The following SYN3 variants were observed in gnomAD, a reference collection of about 807,000 sequenced individuals.
The protein encoded by SYN3 is synapsin-3.
In SYN3, 35 loss-of-function variants were observed where a neutral mutation model predicts 65.8. The ratio of observed to expected loss-of-function variants is 0.53; its 90% CI spans 0.41 to 0.70. The LOEUF is 0.70. Ranked by LOEUF, SYN3 falls within the 30% of genes least tolerant of loss-of-function variation. The pLI, the probability that SYN3 is intolerant of heterozygous loss-of-function variation, is 0.00. For synonymous variants in SYN3, 270 were observed against 292.9 expected, an observed-to-expected ratio of 0.92 and a Z score of 0.80; for missense variants, 680 against 749.0, an observed-to-expected ratio of 0.91 and a Z score of 1.08.
chr22:32,548,927 C>G (rs1303446651), intron 7 of SYN3, among the ~76,000 whole-genome samples: 1 of 152,124 alleles, frequency 6.6e-6, no homozygotes, highest in African/African-American at 2.4e-5. Flanking sequence ...TTTATAGCTC[C>G]ACCTTAAGCC....
At chr22:33,007,895 C>T (rs528191575) in intron 1 of SYN3, among the ~76,000 whole-genome samples, 5 of 152,222 alleles carry the variant, frequency 3.3e-5, no homozygotes, top group African/African-American at 1.2e-4. Context: ...ACTATTTAAA[C>T]CATGGAATTA....
At chr22:32,700,578 C>T (rs545336072) in intron 6 of SYN3, among the ~76,000 whole-genome samples, 14 of 152,254 alleles carry the variant, frequency 9.2e-5, no homozygotes, top group Admixed American at 2.0e-4. Flanking sequence ...AGCTATTGTC[C>T]CTTTCATAAA....
At chr22:32,667,053 A>G (rs960069267) in intron 6 of SYN3, among the ~76,000 whole-genome samples, 63 of 152,348 alleles carry the variant, frequency 4.1e-4, no homozygotes, top group African/African-American at 1.4e-3. Flanking sequence ...CATCCTGGCT[A>G]ACACAGTGAA....
rs1004035130 is a variant in SYN3, at chr22:32,882,309, C to A, written c.462-13184G>T. On this transcript the variant is annotated intron_variant, in intron 4 of 13. Coordinates refer to ENST00000358763, the MANE Select transcript of SYN3 (RefSeq NM_003490.4). ...CTAACATGGACTTTCCCACTCTGAC[C>A]GCCTGGCTAACATTTTGTCTGTCAT... 8.5e-5 allele frequency among the ~76,000 whole-genome samples: 13 copies of A among 152,098 alleles called. 1 individual carries two copies. Among genetic ancestry groups the A allele is most frequent in the Admixed American group, 2.0e-4 (3 of 15,268 alleles).
chr22:33,033,081 C>G lies in SYN3; in HGVS notation c.-163+25211G>C, dbSNP rs536355996. 5.9e-3 allele frequency among the ~76,000 whole-genome samples: 896 copies of G among 151,628 alleles called. 5 individuals carry two copies. The highest frequency in any genetic ancestry group is 0.021 in the African/African-American group (864 of 41,358). On this transcript the variant is annotated intron_variant, in intron 1 of 13. Transcript: ENST00000358763. ...AGGCCGGAGAGCAATGGTGTGACCT[C>G]AGCTCACTGCAACCTCGGCCTCCCA...
intron 6 of SYN3, among the ~76,000 whole-genome samples, chr22:32,794,503 T>C (rs2046387004): frequency 6.6e-6 from 1 of 152,224 alleles, no homozygotes; most frequent in South Asian, 2.1e-4. Flanking sequence ...TGTGTGACGG[T>C]GATACTCTGA....
At position 33,006,775 on chromosome 22, in the gene SYN3, G is replaced by C. The variant is rs977962219; in HGVS notation, c.-113C>G. ...GGTAGGACTTTAGCCAGAAGAGCCA[G>C]GGGGATTTTGCGCAACCAGCAGTCA... On this transcript the variant is annotated 5_prime_UTR_variant, in exon 2 of 14. Transcript: ENST00000358763. The C allele has an allele frequency of 1.8e-6, 2 of 1,121,970 alleles. No homozygotes were observed. The highest frequency in any genetic ancestry group is 2.5e-5 in the Admixed American group (1 of 39,264). 69.5% of individuals were successfully genotyped at this position (1,121,970 alleles called of 1,614,324 possible).
chr22:32,849,493 G>C, intron 6 of SYN3: 1 of 1,613,802 alleles, frequency 6.2e-7, no homozygotes, highest in Non-Finnish European at 8.5e-7. Context: ...GGTAAAGGAG[G>C]GGCCCTTCGG....
intron 6 of SYN3, among the ~76,000 whole-genome samples, chr22:32,650,840 G>A (rs1454958020): frequency 6.6e-6 from 1 of 152,172 alleles, no homozygotes; most frequent in Non-Finnish European, 1.5e-5. Flanking sequence ...TTCTTGCCCA[G>A]CATTAGAGAC....
intron 3 of SYN3, among the ~76,000 whole-genome samples, chr22:32,956,110 C>A (rs1312000525): frequency 7.0e-6 from 1 of 142,762 alleles, no homozygotes; most frequent in South Asian, 2.2e-4. Context: ...ATACCGCCCC[C>A]CCCAAAAAAT....
intron 6 of SYN3, among the ~76,000 whole-genome samples, chr22:32,850,988 C>T (rs1170832214): frequency 1.3e-5 from 2 of 152,196 alleles, no homozygotes; most frequent in East Asian, 3.9e-4. Context: ...ATTTTGCAAA[C>T]ATCCACAGCC....
intron 6 of SYN3, among the ~76,000 whole-genome samples, chr22:32,848,778 A>G (rs2048139395): frequency 6.6e-6 from 1 of 152,202 alleles, no homozygotes; most frequent in Non-Finnish European, 1.5e-5. Context: ...CGCAATAGCC[A>G]TAAACAGCAG....
chr22:32,643,584 G>A (rs2059938168), intron 6 of SYN3, among the ~76,000 whole-genome samples: 2 of 133,812 alleles, frequency 1.5e-5, no homozygotes, highest in Non-Finnish European at 3.1e-5. Flanking sequence ...ACCCATAAAG[G>A]AAAAGATAAA....
At chr22:32,807,394 A>AATATATATTATATATAAT (rs2046788839) in intron 6 of SYN3, among the ~76,000 whole-genome samples, 1 of 100,620 alleles carries the variant, frequency 9.9e-6, no homozygotes, top group African/African-American at 3.9e-5. Flanking sequence ...TATTATATAT[A>AATATATATTATATATAAT]ATATATATAT....
intron 3 of SYN3, among the ~76,000 whole-genome samples, chr22:32,944,800 G>A (rs9619319): frequency 0.054 from 8,217 of 152,176 alleles, 720 homozygotes; most frequent in African/African-American, 0.18. Flanking sequence ...AAACCCCATC[G>A]TCTCAGCCCA....
chr22:32,566,695 G>C (rs962177366), intron 7 of SYN3, among the ~76,000 whole-genome samples: 4 of 152,168 alleles, frequency 2.6e-5, no homozygotes, highest in African/African-American at 9.7e-5. Flanking sequence ...GGAGAGAATG[G>C]AGACAACTAC....
intron 1 of SYN3, among the ~76,000 whole-genome samples, chr22:33,016,425 A>G (rs1205407557): frequency 6.6e-6 from 1 of 152,208 alleles, no homozygotes; most frequent in Non-Finnish European, 1.5e-5. Context: ...AAACCAAGTC[A>G]CCTGTTGTGT....
rs1556084684 is a variant in SYN3, at chr22:32,988,348, A to ATAAT, written c.312-7647_312-7646insATTA. 4.3e-3 allele frequency among the ~76,000 whole-genome samples: 620 copies of ATAAT among 144,620 alleles called. 5 individuals are homozygous for ATAAT. Among genetic ancestry groups the ATAAT allele is most frequent in the African/African-American group, 0.015 (595 of 39,036 alleles). 94.9% of individuals were successfully genotyped at this position (144,620 alleles called of 152,430 possible). A position where few individuals can be genotyped will look rare whatever the true frequency, so the allele number is the denominator to read the frequency against. On this transcript the variant is annotated intron_variant, in intron 2 of 13. Coordinates refer to ENST00000358763, the MANE Select transcript of SYN3 (RefSeq NM_003490.4). ...AATAATAATAATAATAATAATAATA[A>ATAAT]AATAAATAGATAAAAAGAAAAGTAC...
At chr22:32,581,878 C>T (rs1332626305) in intron 7 of SYN3, among the ~76,000 whole-genome samples, 2 of 145,342 alleles carry the variant, frequency 1.4e-5, no homozygotes, top group Non-Finnish European at 3.0e-5. Flanking sequence ...CTCACTGCAA[C>T]CTCCGCTTCC....
Sources: allele counts gnomAD v4.1 joint callset (sites outside exome capture counted in the v4.1 genomes callset), GRCh38; gene constraint gnomAD v4.1.1; transcripts MANE v1.5; gene names NCBI Gene and HGNC (gene_info 2026-07-23, HGNC 2026-07-21).